The following NDRG2 variants were observed in gnomAD, a reference collection of about 807,000 sequenced individuals.
NDRG2 encodes the protein NDRG family member 2, also known as protein NDRG2.
Under a neutral mutation model 58.2 loss-of-function variants are expected in NDRG2, and 34 were observed. That is an observed-to-expected ratio of 0.58 (90% confidence interval 0.44 to 0.78). The LOEUF (loss-of-function observed/expected upper bound fraction) is 0.78. Ranked by LOEUF, NDRG2 falls within the 30% of genes least tolerant of loss-of-function variation. NDRG2 has a pLI of 0.00. For synonymous variants in NDRG2, 187 were observed against 175.9 expected (o/e 1.06, Z -0.50); for missense variants, 434 against 471.2 (o/e 0.92, Z 0.73).
intron 13 of NDRG2, 91 bp downstream of exon 13, chr14:21,018,366 A>T (rs1741603126): frequency 6.2e-7 from 1 of 1,604,536 alleles, no homozygotes; most frequent in Non-Finnish European, 8.5e-7. Flanking sequence ...CGTTCACCCC[A>T]TTTGCTCCCA....
intron 1 of NDRG2, among the ~76,000 whole-genome samples, chr14:21,064,221 A>G (rs1212138273): frequency 6.6e-6 from 1 of 152,198 alleles, no homozygotes; most frequent in African/African-American, 2.4e-5. Flanking sequence ...TTCTTCATAC[A>G]ATGGAGAAAA....
chr14:21,031,725 A>G (rs1243461), intron 1 of NDRG2, among the ~76,000 whole-genome samples: 65,394 of 151,934 alleles, frequency 0.43, 15,074 homozygotes, highest in East Asian at 0.7. Flanking sequence ...GGCTCTTACC[A>G]GAGTACCTGC....
At chr14:21,022,240 G>C in intron 4 of NDRG2, 58 bp from the exon 5 acceptor site, 1 of 1,612,584 alleles carries the variant, frequency 6.2e-7, no homozygotes, top group Non-Finnish European at 8.5e-7. Flanking sequence ...GTGTCCCCCA[G>C]TCAGAACTCA....
rs8016835 is a variant in NDRG2 at position 21,018,254 on chromosome 14, A to G, written c.862-15T>C. 6.8e-6 allele frequency: 11 copies of G among 1,613,618 alleles called. No homozygotes were observed. In the South Asian group the frequency reaches 1.1e-4, roughly 16 times the overall value. ...GAGTCAGCCATCTGTTCAGGAGAGC[A>G]CCACCCAGAAAAAGTGAAACACACA... On this transcript the variant is annotated splice_polypyrimidine_tract_variant and intron_variant, in intron 13 of 15. Coordinates refer to ENST00000556147, the MANE Select transcript of NDRG2 (RefSeq NM_001320329.2).
At chr14:21,027,888 C>T (rs923226899), upstream of NDRG2, among the ~76,000 whole-genome samples, 1 of 152,172 alleles carries the variant, frequency 6.6e-6, no homozygotes, top group African/African-American at 2.4e-5. Context: ...GAGGGGCATT[C>T]TATCCAGGCA....
intron 1 of NDRG2, among the ~76,000 whole-genome samples, chr14:21,059,977 A>G: frequency 6.6e-6 from 1 of 152,210 alleles, no homozygotes; most frequent in Admixed American, 6.5e-5. Flanking sequence ...ATATGCATAT[A>G]CATACAGAGG....
At chr14:21,038,560 G>A (rs1884756687) in intron 1 of NDRG2, among the ~76,000 whole-genome samples, 1 of 152,200 alleles carries the variant, frequency 6.6e-6, no homozygotes, top group African/African-American at 2.4e-5. Flanking sequence ...GTTCAGTGGA[G>A]ATAAAGAGGA....
intron 1 of NDRG2, chr14:21,057,872 C>T (rs554850777): frequency 6.2e-7 from 1 of 1,604,698 alleles, no homozygotes; most frequent in Admixed American, 1.7e-5. Flanking sequence ...TCACTCTGTT[C>T]CACTGTCTCC....
At chr14:21,026,135 TACACAC>T (rs1264366155), upstream of NDRG2, among the ~76,000 whole-genome samples, 2 of 151,820 alleles carry the variant, frequency 1.3e-5, no homozygotes, top group Admixed American at 6.6e-5. Context: ...CTGTAGACTT[TACACAC>T]ACACGCACAC....
Position 21,020,591 on chromosome 14 carries a change from C to T in NDRG2, c.469-9G>A. On this transcript the variant is annotated splice_polypyrimidine_tract_variant and intron_variant, in intron 7 of 15. Transcript: ENST00000556147. ...GTGTCCGGGTGGTTAAGCTGAGGGA[C>T]AGCAGAAGGAAGGAAATGAGAAACA... 2 of 1,613,022 alleles carry T rather than the reference C, an allele frequency of 1.2e-6. No homozygotes were observed. Among genetic ancestry groups the T allele is most frequent in the African/African-American group, 2.7e-5 (2 of 74,986 alleles).
Position 21,030,991 on chromosome 14 carries a change from G to T in NDRG2, c.25-7670C>A, listed in dbSNP as rs779665502. ...ATGCATTCATGCTCCAAAGTTTCTG[G>T]ATTTCTGTCTAACTGACCAGGGCCA... On this transcript the variant is annotated intron_variant, in intron 1 of 14. Transcript: ENST00000403829. 35 of 1,586,416 alleles carry T rather than the reference G, an allele frequency of 2.2e-5. No homozygotes were observed. The Admixed American group carries it at 6.2e-4, about 28-fold the overall frequency.
At chr14:21,020,268 T>C in intron 8 of NDRG2, 1 of 547,790 alleles carries the variant, frequency 1.8e-6, no homozygotes. Context: ...CACTCCAGCC[T>C]TGGCAACAGA....
Position 21,023,439 on chromosome 14 carries a change from A to C in NDRG2, c.-6-118T>G, listed in dbSNP as rs186345592. 4.5e-5 allele frequency: 39 copies of C among 861,986 alleles called. No homozygotes were observed. The African/African-American group carries it at 6.2e-4, about 14-fold the overall frequency. 53.4% of individuals were successfully genotyped at this position (861,986 alleles called of 1,614,324 possible). ...AGGGAACAGAGGGACCCAGGGGTTGAAGACTACTCTAGAACACACAGAGGG... is the reference window on the plus strand; with the variant it reads ...AGGGAACAGAGGGACCCAGGGGTTGCAGACTACTCTAGAACACACAGAGGG... On this transcript the variant is annotated intron_variant, in intron 1 of 15. Transcript: ENST00000556147.
At chr14:21,053,644 A>G (rs1885561083) in intron 1 of NDRG2, among the ~76,000 whole-genome samples, 2 of 151,998 alleles carry the variant, frequency 1.3e-5, no homozygotes, top group Admixed American at 6.6e-5. Context: ...AAAAGAAAAG[A>G]AAAAGAAAAA....
Position 21,017,617 on chromosome 14 carries a change from G to A in NDRG2, c.1095C>T (p.His365=). 6.2e-7 allele frequency: 1 copy of A among 1,613,814 alleles called. No homozygotes were observed. Among genetic ancestry groups the A allele is most frequent in the Non-Finnish European group, 8.5e-7 (1 of 1,179,886 alleles). Residue 365 remains histidine (H), a synonymous_variant, in exon 16 of 16, where the codon CAC becomes CAT. Coordinates refer to ENST00000556147, the MANE Select transcript of NDRG2 (RefSeq NM_001320329.2). ...CCATTCAACAGGAGACCTCCATGGTGTGCCCCGGGGGCCCCGAAGAAAGAG... is the reference window on the plus strand; with the variant it reads ...CCATTCAACAGGAGACCTCCATGGTATGCCCCGGGGGCCCCGAAGAAAGAG... ...SGTLSSGPPG[H]TMEVSC
At chr14:21,031,912 A>G (rs1273739832) in intron 1 of NDRG2, 2 of 1,614,168 alleles carry the variant, frequency 1.2e-6, no homozygotes, top group South Asian at 1.1e-5. Flanking sequence ...CAGTGGGTGC[A>G]GTGGACCGTT....
chr14:21,030,703 A>C (rs780525779), upstream of NDRG2: 4 of 1,614,204 alleles, frequency 2.5e-6, no homozygotes, highest in Non-Finnish European at 2.5e-6. Flanking sequence ...GGCATCATGG[A>C]TGGCAAGACA....
rs1258203645 is a variant in NDRG2 at position 21,024,552 on chromosome 14, T to TA, written c.-530dup. On this transcript the variant is annotated 5_prime_UTR_variant, in exon 1 of 16. The change abolishes the stop of an existing upstream ORF in the 5' untranslated region. Coordinates refer to ENST00000556147, the MANE Select transcript of NDRG2 (RefSeq NM_001320329.2). ...AGCATGGCTGTTTCCCTCCACAATT[T>TA]AAAAACAAACACAAAGATTGGTGCC... 1.0e-6 allele frequency: 1 copy of TA among 985,338 alleles called. No individual in the cohort carries two copies. The highest frequency in any genetic ancestry group is 1.2e-6 in the Non-Finnish European group (1 of 829,962). 61.0% of individuals were successfully genotyped at this position (985,338 alleles called of 1,614,324 possible).
chr14:21,039,860 C>T (rs1884810467), intron 1 of NDRG2, among the ~76,000 whole-genome samples: 1 of 152,090 alleles, frequency 6.6e-6, no homozygotes, highest in Admixed American at 6.5e-5. Flanking sequence ...AGTTGAAGAG[C>T]AAACTAGGAT....
Sources: allele counts gnomAD v4.1 joint callset (sites outside exome capture counted in the v4.1 genomes callset), GRCh38; gene constraint gnomAD v4.1.1; transcripts MANE v1.5; gene names NCBI Gene and HGNC (gene_info 2026-07-23, HGNC 2026-07-21).